The following NRXN3 variants were observed in gnomAD, a reference collection of about 807,000 sequenced individuals.
The protein encoded by NRXN3 is neurexin 3.
NRXN3 carries 32 observed loss-of-function variants against 137.6 expected under a neutral mutation model. The ratio of observed to expected loss-of-function variants is 0.23; its 90% confidence interval spans 0.18 to 0.31. The LOEUF (loss-of-function observed/expected upper bound fraction) is 0.31, where lower values mean the gene tolerates loss of function less well. NRXN3 is among the 10% of genes least tolerant of loss of function. The pLI is 1.00. For missense variants in NRXN3, 1,574 were observed against 2,062.5 expected (o/e 0.76, Z 4.59); for synonymous variants, 798 against 784.5 (o/e 1.02, Z -0.29).
intron 6 of NRXN3, among the ~76,000 whole-genome samples, chr14:78,683,099 A>G (rs2152747652): frequency 6.6e-6 from 1 of 152,276 alleles, no homozygotes; most frequent in South Asian, 2.1e-4. Flanking sequence ...TATATTGAAG[A>G]CTTAATACCA....
At chr14:78,976,824 A>T (rs1277899298) in intron 14 of NRXN3, among the ~76,000 whole-genome samples, 1 of 152,150 alleles carries the variant, frequency 6.6e-6, no homozygotes, top group African/African-American at 2.4e-5. Context: ...CATCAACTGT[A>T]CACCCAACTT....
At chr14:78,536,613 T>C (rs970228865) in intron 4 of NRXN3, among the ~76,000 whole-genome samples, 18 of 152,334 alleles carry the variant, frequency 1.2e-4, no homozygotes, top group African/African-American at 4.1e-4. Context: ...TTTTTCTTTT[T>C]TTTTTTTATT....
chr14:78,625,382 T>C (rs544083210), intron 4 of NRXN3, among the ~76,000 whole-genome samples: 3 of 152,388 alleles, frequency 2.0e-5, no homozygotes, highest in Admixed American at 6.5e-5. Context: ...ACCAACACTA[T>C]GCTTTTGCAA....
chr14:78,976,660 T>A (rs565332859), intron 14 of NRXN3, among the ~76,000 whole-genome samples: 1 of 152,194 alleles, frequency 6.6e-6, no homozygotes, highest in South Asian at 2.1e-4. Flanking sequence ...TCAAAATGCT[T>A]TCTATTGTGG....
At chr14:78,348,093 G>A (rs1201080357) in intron 4 of NRXN3, among the ~76,000 whole-genome samples, 1 of 152,124 alleles carries the variant, frequency 6.6e-6, no homozygotes, top group Non-Finnish European at 1.5e-5. Flanking sequence ...GAAGTCAGTT[G>A]AGCCCAGGTG....
chr14:79,250,266 A>G (rs1201018994), intron 15 of NRXN3, among the ~76,000 whole-genome samples: 2 of 152,110 alleles, frequency 1.3e-5, no homozygotes, highest in African/African-American at 2.4e-5. Flanking sequence ...AGACTAGGCA[A>G]TGTGAAGGAG....
Position 78,243,046 on chromosome 14 carries a change from C to T in NRXN3, c.-48C>T. The T allele has an allele frequency of 1.5e-6, 2 of 1,355,034 alleles. No individual in the cohort carries two copies. The highest frequency in any genetic ancestry group is 2.0e-6 in the Non-Finnish European group (2 of 1,015,026). The allele number at this position is 1,355,034 out of a possible 1,614,324, so 83.9% of individuals were successfully genotyped here. A position where few individuals can be genotyped will look rare whatever the true frequency, so the allele number is the denominator to read the frequency against. On this transcript the variant is annotated 5_prime_UTR_variant, in exon 2 of 21. Coordinates refer to ENST00000335750, the MANE Select transcript of NRXN3 (RefSeq NM_001330195.2). The surrounding 1 kb of genome is among the most constrained non-coding windows in gnomAD (Gnocchi z 4.2). ...GCCAAAGGGAGAGATCCTCTCCGGG[C>T]TGTTCCCTGGCCTGTCTGCTCCTCC...
intron 15 of NRXN3, among the ~76,000 whole-genome samples, chr14:79,211,772 A>C (rs1438566570): frequency 2.0e-5 from 3 of 152,186 alleles, no homozygotes; most frequent in Non-Finnish European, 4.4e-5. Flanking sequence ...TTTCAAAAGC[A>C]ACCCAAGTCC....
intron 4 of NRXN3, among the ~76,000 whole-genome samples, chr14:78,388,811 C>T (rs1246432350): frequency 6.6e-6 from 1 of 152,174 alleles, no homozygotes; most frequent in East Asian, 1.9e-4. Flanking sequence ...ATTTTTCCTT[C>T]CCAATCATTA....
At chr14:79,351,198 A>G (rs573992167) in intron 15 of NRXN3, among the ~76,000 whole-genome samples, 1 of 152,338 alleles carries the variant, frequency 6.6e-6, no homozygotes, top group African/African-American at 2.4e-5. Context: ...GAAGGTTATA[A>G]TAAATCCCTT....
At chr14:78,329,912 G>A (rs1265570144) in intron 4 of NRXN3, among the ~76,000 whole-genome samples, 4 of 152,162 alleles carry the variant, frequency 2.6e-5, no homozygotes, top group African/African-American at 7.2e-5. Flanking sequence ...AAGGAACACT[G>A]ATAGTGATTA....
intron 15 of NRXN3, among the ~76,000 whole-genome samples, chr14:79,277,962 C>A (rs1219865999): frequency 6.6e-6 from 1 of 152,122 alleles, no homozygotes; most frequent in Admixed American, 6.5e-5. Context: ...TGATGTATGA[C>A]CTTGAAGGCA....
At chr14:78,815,142 A>G (rs1392746517) in intron 10 of NRXN3, among the ~76,000 whole-genome samples, 1 of 152,164 alleles carries the variant, frequency 6.6e-6, no homozygotes, top group Non-Finnish European at 1.5e-5. Flanking sequence ...CTCACTAATT[A>G]CTTTGAACCT....
chr14:78,470,248 G>T (rs1338626951), intron 4 of NRXN3, among the ~76,000 whole-genome samples: 1 of 152,138 alleles, frequency 6.6e-6, no homozygotes, highest in East Asian at 1.9e-4. Flanking sequence ...AATCCCTTTG[G>T]GGATGGGAGA....
intron 20 of NRXN3, chr14:79,853,696 C>T (rs1259377225): frequency 8.0e-7 from 1 of 1,257,694 alleles, no homozygotes; most frequent in Non-Finnish European, 1.0e-6. Context: ...CTCCCCCTTT[C>T]TTTAGCATTG....
intron 14 of NRXN3, among the ~76,000 whole-genome samples, chr14:78,971,644 T>C (rs1240014777): frequency 1.3e-5 from 2 of 152,002 alleles, no homozygotes; most frequent in Non-Finnish European, 2.9e-5. Context: ...ATTGAGTGAG[T>C]GAGTGAGTGA....
At chr14:78,533,142 C>A (rs1488298404) in intron 4 of NRXN3, among the ~76,000 whole-genome samples, 4 of 146,390 alleles carry the variant, frequency 2.7e-5, no homozygotes, top group African/African-American at 1.0e-4. Flanking sequence ...CTCTGTCGCC[C>A]AGGGTGGAGT....
In NRXN3 at chr14:78,432,941, G is replaced by T. The variant is rs182011514; in HGVS notation, c.757+135081G>T. Reference sequence around the variant, plus strand: ...TTGGAGTCTGTATTATTCTTCTATTGCTGCTGTCACAAATTACCTCAAACT... The same window carrying T: ...TTGGAGTCTGTATTATTCTTCTATTTCTGCTGTCACAAATTACCTCAAACT... On this transcript the variant is annotated intron_variant, in intron 4 of 20. Coordinates refer to ENST00000335750, the MANE Select transcript of NRXN3 (RefSeq NM_001330195.2). Among the ~76,000 whole-genome samples, 997 of 152,308 alleles carry T rather than the reference G, an allele frequency of 6.5e-3. 10 individuals are homozygous for T. The highest frequency in any genetic ancestry group is 8.5e-3 in the Non-Finnish European group (578 of 68,026).
At chr14:79,485,668 T>G (rs1474658113) in intron 16 of NRXN3, among the ~76,000 whole-genome samples, 1 of 150,800 alleles carries the variant, frequency 6.6e-6, no homozygotes, top group Non-Finnish European at 1.5e-5. Flanking sequence ...GAATAGCACA[T>G]CATATTCCAG....
Sources: allele counts gnomAD v4.1 joint callset (sites outside exome capture counted in the v4.1 genomes callset), GRCh38; gene constraint gnomAD v4.1.1; non-coding constraint Gnocchi (gnomAD v3.1); transcripts MANE v1.5; gene names NCBI Gene and HGNC (gene_info 2026-07-23, HGNC 2026-07-21).